Variants in PTPRD observed in about 807,000 individuals in gnomAD.
PTPRD encodes the protein protein tyrosine phosphatase receptor type D.
In PTPRD, 34 loss-of-function variants were observed where a neutral mutation model predicts 214.5. The observed-to-expected ratio is 0.16, with a 90% CI of 0.12 to 0.21. The LOEUF (loss-of-function observed/expected upper bound fraction) is 0.21. PTPRD is among the 10% of genes least tolerant of loss of function. The pLI, the probability that PTPRD is intolerant of heterozygous loss-of-function variation, is 1.00. For missense variants in PTPRD, 2,545 were observed against 2,398.7 expected, an observed-to-expected ratio of 1.06 and a Z score of -1.27; for synonymous variants, 1,128 against 845.7, an observed-to-expected ratio of 1.33 and a Z score of -5.79.
intron 3 of PTPRD, among the ~76,000 whole-genome samples, chr9:10,232,526 G>A (rs965653706): frequency 6.6e-5 from 10 of 151,906 alleles, no homozygotes; most frequent in Non-Finnish European, 1.5e-4. Context: ...TCATATTCAG[G>A]CCCTGCAGGT....
intron 8 of PTPRD, among the ~76,000 whole-genome samples, chr9:9,451,937 TAA>T (rs1337077613): frequency 6.6e-6 from 1 of 151,276 alleles, no homozygotes; most frequent in East Asian, 1.9e-4. Context: ...AAGAGAAAAT[TAA>T]AAGTTATGTC....
chr9:8,791,330 A>G (rs2096226415), intron 11 of PTPRD, among the ~76,000 whole-genome samples: 1 of 151,716 alleles, frequency 6.6e-6, no homozygotes. Flanking sequence ...GGTTCAAGTG[A>G]TTCTCCTGCC....
chr9:8,431,634 C>T (rs749446522), intron 35 of PTPRD, among the ~76,000 whole-genome samples: 7 of 152,268 alleles, frequency 4.6e-5, no homozygotes, highest in Non-Finnish European at 8.8e-5. Flanking sequence ...GGGTCATGTT[C>T]TGTAATACAT....
At chr9:9,196,925 A>G (rs1569561160) in intron 9 of PTPRD, among the ~76,000 whole-genome samples, 2 of 152,276 alleles carry the variant, frequency 1.3e-5, no homozygotes, top group Non-Finnish European at 2.9e-5. Context: ...TTCATGGAAT[A>G]TCAATATCAG....
rs190141101 is a variant in PTPRD at position 8,911,030 on chromosome 9, T to G, written c.-104+107667A>C. On this transcript the variant is annotated intron_variant, in intron 11 of 45. Coordinates refer to ENST00000381196, the MANE Select transcript of PTPRD (RefSeq NM_002839.4). ...AAATGGTCATTCTCGTTCAAACTTA[T>G]CTGTAGATTCAACACAATCTGAATC... Among the ~76,000 whole-genome samples the G allele has an allele frequency of 3.2e-4, 48 of 152,332 alleles. No individual in the cohort carries two copies. In the East Asian group the frequency reaches 8.7e-3, roughly 28 times the overall value.
chr9:8,708,704 A>AAAAC (rs748191308), intron 12 of PTPRD, among the ~76,000 whole-genome samples: 30 of 123,714 alleles, frequency 2.4e-4, no homozygotes, highest in Non-Finnish European at 3.9e-4. Context: ...AAAAAAAAAA[A>AAAAC]CAGAGCTACC....
chr9:9,085,726 GTCAAATGCATCTCTTTCCTT>G (rs1309619152), intron 10 of PTPRD, among the ~76,000 whole-genome samples: 23 of 152,030 alleles, frequency 1.5e-4, no homozygotes, highest in Non-Finnish European at 1.8e-4. Context: ...CATATACAGG[GTCAAATGCATCTCTTTCCTT>G]TCACATTGCC....
chr9:8,408,755 G>A (rs2093268600), intron 35 of PTPRD, among the ~76,000 whole-genome samples: 1 of 152,004 alleles, frequency 6.6e-6, no homozygotes, highest in Non-Finnish European at 1.5e-5. Flanking sequence ...TGCACACTGG[G>A]CACTTGACTC....
intron 3 of PTPRD, among the ~76,000 whole-genome samples, chr9:10,316,210 T>G (rs1008106577): frequency 4.6e-4 from 69 of 149,674 alleles, no homozygotes; most frequent in Admixed American, 3.4e-4. Flanking sequence ...CACACACATA[T>G]ATGATAAAGA....
intron 37 of PTPRD, among the ~76,000 whole-genome samples, chr9:8,378,521 T>G (rs1032716506): frequency 1.3e-5 from 2 of 152,092 alleles, no homozygotes; most frequent in African/African-American, 4.8e-5. Context: ...AGAGGAACTC[T>G]GGAGGCCTCA....
intron 11 of PTPRD, among the ~76,000 whole-genome samples, chr9:8,823,802 G>A (rs1191797481): frequency 6.6e-6 from 1 of 152,156 alleles, no homozygotes; most frequent in Non-Finnish European, 1.5e-5. Context: ...AAGATTAACG[G>A]TGAGTTTGCA....
intron 8 of PTPRD, among the ~76,000 whole-genome samples, chr9:9,526,592 C>T (rs1008631467): frequency 1.3e-5 from 2 of 152,046 alleles, no homozygotes; most frequent in African/African-American, 4.8e-5. Flanking sequence ...AATGTGTAAG[C>T]AAATTTGTCC....
Position 9,276,619 on chromosome 9 carries a change from G to T in PTPRD, c.-202-93256C>A, listed in dbSNP as rs147723607. ...AGAGCACATGCTGGCAATTTACTTGGATCTCAGCTTCATCTTTCTTCTTTT... is the reference window on the plus strand; with the variant it reads ...AGAGCACATGCTGGCAATTTACTTGTATCTCAGCTTCATCTTTCTTCTTTT... On this transcript the variant is annotated intron_variant, in intron 9 of 45. Coordinates refer to ENST00000381196, the MANE Select transcript of PTPRD (RefSeq NM_002839.4). Among the ~76,000 whole-genome samples, 5 of 151,338 alleles carry T rather than the reference G, an allele frequency of 3.3e-5. No individual in the cohort carries two copies. In the East Asian group the frequency reaches 9.9e-4, roughly 30 times the overall value.
chr9:10,250,467 G>A (rs1007086059), intron 3 of PTPRD, among the ~76,000 whole-genome samples: 7 of 152,078 alleles, frequency 4.6e-5, no homozygotes, highest in Non-Finnish European at 1.0e-4. Context: ...ATTAACATCA[G>A]ATCAAATTTG....
At chr9:9,432,546 A>G (rs2083603876) in intron 8 of PTPRD, among the ~76,000 whole-genome samples, 2 of 152,208 alleles carry the variant, frequency 1.3e-5, no homozygotes, top group Admixed American at 1.3e-4. Context: ...AGAGTTTTTT[A>G]ATTTACTTTG....
chr9:9,579,913 C>T (rs538796897), intron 7 of PTPRD, among the ~76,000 whole-genome samples: 10 of 152,194 alleles, frequency 6.6e-5, no homozygotes, highest in Admixed American at 3.3e-4. Flanking sequence ...TCCATATGAA[C>T]ATATTATTTA....
rs79260658 is a variant in PTPRD, at chr9:9,251,030, C to T, written c.-202-67667G>A. Among the ~76,000 whole-genome samples the T allele has an allele frequency of 8.9e-3, 1,347 of 152,068 alleles. 23 individuals are homozygous for T. The highest frequency in any genetic ancestry group is 0.031 in the African/African-American group (1,268 of 41,508). ...TTGACCCTCTTTTCCATTCCTTCAC[C>T]ATGTTCGCACACCTCTGATATCCTA... is the stretch of plus-strand genomic sequence containing the variant. On this transcript the variant is annotated intron_variant, in intron 9 of 45. Transcript: ENST00000381196.
chr9:9,315,431 GT>G (rs1478604568), intron 9 of PTPRD, among the ~76,000 whole-genome samples: 1 of 151,802 alleles, frequency 6.6e-6, no homozygotes, highest in Non-Finnish European at 1.5e-5. Context: ...GGATAATTAG[GT>G]TTTTAAAAAT....
chr9:10,187,669 G>C (rs1231812500), intron 3 of PTPRD, among the ~76,000 whole-genome samples: 3 of 152,194 alleles, frequency 2.0e-5, no homozygotes, highest in Non-Finnish European at 4.4e-5. Flanking sequence ...AGGAAAATCT[G>C]CCCTGGGGGG....
Sources: allele counts gnomAD v4.1 joint callset (sites outside exome capture counted in the v4.1 genomes callset), GRCh38; gene constraint gnomAD v4.1.1; transcripts MANE v1.5; gene names NCBI Gene and HGNC (gene_info 2026-07-23, HGNC 2026-07-21).